SNX5: variants seen among roughly 807,000 people sequenced by gnomAD.
SNX5 encodes the protein sorting nexin-5.
A neutral mutation model predicts 53.9 loss-of-function variants in SNX5; 31 were observed. The observed-to-expected ratio is 0.58, with a 90% confidence interval of 0.43 to 0.78. SNX5 has a LOEUF of 0.78. Among genes scored for constraint, SNX5 ranks in the 30% least tolerant of loss-of-function variants. The pLI is 0.00. For missense variants in SNX5, 471 were observed against 478.8 expected (o/e 0.98, Z 0.15); for synonymous variants, 168 against 171.1 (o/e 0.98, Z 0.14).
At chr20:17,967,979 T>C (rs2122450120) in intron 1 of SNX5, 1 of 391,816 alleles carries the variant, frequency 2.6e-6, no homozygotes, top group Non-Finnish European at 4.5e-6. Context: ...GGAAGGAGGG[T>C]ATTTTGGGGG....
Position 17,942,402 on chromosome 20 carries a change from A to C in SNX5, c.1170T>G (p.Asn390Lys), listed in dbSNP as rs565150872. Residue 390 changes from asparagine (N) to lysine (K), a missense_variant, in exon 13 of 13, where the codon AAT becomes AAG. Transcript: ENST00000377759. ...SELEIKHARN[N>K]VSLLQSCIDL... ...CAATACAGCTCTGCAAAAGGGAGAC[A>C]TTGTTCTGTGGGGAAAAAAGGCAAG... The C allele has an allele frequency of 1.2e-6, 2 of 1,611,338 alleles. No homozygotes were observed. The highest frequency in any genetic ancestry group is 3.3e-5 in the Admixed American group (2 of 60,006).
intron 1 of SNX5, 51 bp downstream of exon 1, chr20:17,968,324 C>G: frequency 2.4e-6 from 3 of 1,238,070 alleles, no homozygotes; most frequent in East Asian, 3.2e-5. Flanking sequence ...GCAGCGACCC[C>G]GGAGCTCGCA....
chr20:17,952,365 A>G (rs2039582248), intron 5 of SNX5, among the ~76,000 whole-genome samples: 1 of 152,200 alleles, frequency 6.6e-6, no homozygotes, highest in African/African-American at 2.4e-5. Flanking sequence ...TGGGACTGTT[A>G]ATTTCTTAAA....
At chr20:17,952,499 A>G in intron 5 of SNX5, 88 bp downstream of exon 5, 1 of 1,312,004 alleles carries the variant, frequency 7.6e-7, no homozygotes, top group South Asian at 1.6e-5. Context: ...AAGAAATTCA[A>G]AACTTTAAAG....
At chr20:17,968,134 C>T (rs184681982) in intron 1 of SNX5, 1 of 400,158 alleles carries the variant, frequency 2.5e-6, no homozygotes, top group Non-Finnish European at 4.4e-6. Flanking sequence ...GGCGCCTGAG[C>T]TGGGGCTAAG....
At chr20:17,960,993 A>C (rs978113779) in intron 1 of SNX5, 4 of 293,950 alleles carry the variant, frequency 1.4e-5, no homozygotes, top group African/African-American at 9.1e-5. Flanking sequence ...TACGGATTAT[A>C]ATCAGCCTTC....
chr20:17,954,767 G>A (rs1600343864), intron 3 of SNX5, among the ~76,000 whole-genome samples: 1 of 152,144 alleles, frequency 6.6e-6, no homozygotes, highest in Admixed American at 6.5e-5. Flanking sequence ...CTGGAGTGAC[G>A]TGGCACGGCC....
At chr20:17,951,456 C>T (rs767978064) in intron 6 of SNX5, 44 bp downstream of exon 6, 1 of 1,158,948 alleles carries the variant, frequency 8.6e-7, no homozygotes, top group Middle Eastern at 2.8e-4. Flanking sequence ...TCACCTATTC[C>T]CGATGAAGTA....
intron 10 of SNX5, 29 bp from the exon 11 acceptor site, chr20:17,947,674 C>A: frequency 6.3e-7 from 1 of 1,592,152 alleles, no homozygotes; most frequent in Non-Finnish European, 8.5e-7. Flanking sequence ...GGTATACATA[C>A]TAAGTATCTA....
At chr20:17,951,276 A>C (rs557004627) in intron 6 of SNX5, 3 of 498,416 alleles carry the variant, frequency 6.0e-6, no homozygotes, top group Admixed American at 6.7e-5. Context: ...GAGAAAATGA[A>C]GCCAAGTGTG....
intron 6 of SNX5, 97 bp downstream of exon 6, chr20:17,951,403 T>G (rs2039565725): frequency 1.3e-6 from 1 of 747,034 alleles, no homozygotes; most frequent in African/African-American, 1.8e-5. Context: ...TCTTAAAAGT[T>G]AACCATTTGT....
intron 11 of SNX5, among the ~76,000 whole-genome samples, chr20:17,945,813 G>T (rs79095703): frequency 6.6e-6 from 1 of 152,036 alleles, no homozygotes; most frequent in African/African-American, 2.4e-5. Flanking sequence ...ATAAAGTCTA[G>T]GTTTCCCCCA....
At chr20:17,943,044 G>A in intron 12 of SNX5, 66 bp downstream of exon 12, 1 of 1,168,444 alleles carries the variant, frequency 8.6e-7, no homozygotes, top group Non-Finnish European at 1.3e-6. Flanking sequence ...CAATGGGTTA[G>A]TAAACTGGGA....
rs527410743 is a variant in SNX5, at chr20:17,961,420, A to ACT, written c.52-4385_52-4384dup. The ACT allele has an allele frequency of 4.7e-4, 459 of 985,452 alleles. 2 individuals are homozygous for ACT. In the African/African-American group the frequency reaches 6.4e-3, roughly 14 times the overall value. The allele number at this position is 985,452 out of a possible 1,614,324, so 61.0% of individuals were successfully genotyped here. On this transcript the variant is annotated intron_variant, in intron 1 of 12. Transcript: ENST00000377759. ...TTCTAAGTGGTTATGGTGACTGCAGACTCAGTGCCAAAATGAAAAAGACAC... is the reference window on the plus strand; with the variant it reads ...TTCTAAGTGGTTATGGTGACTGCAGACTCTCAGTGCCAAAATGAAAAAGACAC...
At chr20:17,950,718 C>G (rs1029172182) in intron 6 of SNX5, among the ~76,000 whole-genome samples, 4 of 152,160 alleles carry the variant, frequency 2.6e-5, no homozygotes, top group Admixed American at 2.0e-4. Context: ...GGATACCTAT[C>G]TGTGTGTGAA....
chr20:17,965,640 C>T (rs1229746735), intron 1 of SNX5, among the ~76,000 whole-genome samples: 1 of 149,986 alleles, frequency 6.7e-6, no homozygotes, highest in Non-Finnish European at 1.5e-5. Context: ...CACTGCACTC[C>T]CGCCTGGGTG....
intron 4 of SNX5, among the ~76,000 whole-genome samples, chr20:17,953,183 G>A (rs529836270): frequency 6.6e-6 from 1 of 152,282 alleles, no homozygotes; most frequent in South Asian, 2.1e-4. Flanking sequence ...TCATTCCCCA[G>A]AGCTGGTCCC....
rs772532101 is a variant in SNX5 at position 17,955,449 on chromosome 20, T to A, written c.183A>T (p.Pro61=). 6.2e-7 allele frequency: 1 copy of A among 1,614,144 alleles called. No homozygotes were observed. The highest frequency in any genetic ancestry group is 1.7e-5 in the Admixed American group (1 of 60,022). ...TKTTLPTFQS[P]EFSVTRQHED... is the part of the protein sequence containing the mutation. The stretch of plus-strand genomic sequence containing the variant: ...CATGTTGCCTTGTAACAGAAAACTC[T>A]GGGCTCTGAAACGTGGGCAGTGTGG... The change falls in exon 3 of 13, where the codon CCA becomes CCT. Residue 61 remains proline, a synonymous_variant. Coordinates refer to ENST00000377759, the MANE Select transcript of SNX5 (RefSeq NM_014426.4).
intron 1 of SNX5, among the ~76,000 whole-genome samples, chr20:17,967,100 T>C (rs1458006746): frequency 6.6e-6 from 1 of 152,108 alleles, no homozygotes; most frequent in Non-Finnish European, 1.5e-5. Flanking sequence ...GTGGTGGAAG[T>C]CATTTTAAAA....
Sources: gnomAD v4.1 joint callset for allele counts (sites outside exome capture counted in the v4.1 genomes callset) on GRCh38, gnomAD v4.1.1 for gene constraint, MANE v1.5 for transcripts, NCBI Gene and HGNC (gene_info 2026-07-23, HGNC 2026-07-21) for gene names.